The following GRID2 variants were observed in gnomAD, a reference collection of about 807,000 sequenced individuals.
GRID2 encodes the protein glutamate ionotropic receptor delta type subunit 2, also known as glutamate receptor ionotropic, delta-2.
GRID2 carries 33 observed loss-of-function variants against 114.8 expected under a neutral mutation model. The ratio of observed to expected loss-of-function variants is 0.29; its 90% CI spans 0.22 to 0.38. GRID2 has a LOEUF of 0.38. GRID2 is among the 10% of genes least tolerant of loss of function. GRID2 has a pLI of 1.00. For synonymous variants in GRID2, 505 were observed against 449.9 expected (o/e 1.12, Z -1.55); for missense variants, 1,184 against 1,257.7 (o/e 0.94, Z 0.89).
chr4:92,928,935 A>G (rs752873622), intron 2 of GRID2, among the ~76,000 whole-genome samples: 3 of 151,516 alleles, frequency 2.0e-5, no homozygotes, highest in Non-Finnish European at 4.4e-5. Flanking sequence ...AAAAGCAATG[A>G]GCTAAAGAAG....
In GRID2 at chr4:93,547,798, A is replaced by G. The variant is rs1216019080; in HGVS notation, c.2193+32387A>G. Among the ~76,000 whole-genome samples, 4 of 152,198 alleles carry G rather than the reference A, an allele frequency of 2.6e-5. No homozygotes were observed. The South Asian group carries it at 6.2e-4, about 24-fold the overall frequency. On this transcript the variant is annotated intron_variant, in intron 13 of 15. Coordinates refer to ENST00000282020, the MANE Select transcript of GRID2 (RefSeq NM_001510.4). ...GTAGGAGCTTGTCTTTTAGGCAGCTATAGTAGAACTGTCTGAAATGCCATT... is the reference window on the plus strand; with the variant it reads ...GTAGGAGCTTGTCTTTTAGGCAGCTGTAGTAGAACTGTCTGAAATGCCATT...
chr4:92,854,368 C>T (rs1295001305), intron 2 of GRID2, among the ~76,000 whole-genome samples: 4 of 152,002 alleles, frequency 2.6e-5, no homozygotes, highest in African/African-American at 9.7e-5. Flanking sequence ...GAATTCTGGG[C>T]TGAAAAGATC....
intron 8 of GRID2, among the ~76,000 whole-genome samples, chr4:93,303,749 A>G (rs564566221): frequency 6.6e-6 from 1 of 152,140 alleles, no homozygotes; most frequent in Admixed American, 6.6e-5. Flanking sequence ...TCTACCATCC[A>G]TCCATCCATC....
chr4:93,510,761 G>T (rs1487116135), intron 12 of GRID2, among the ~76,000 whole-genome samples: 4 of 152,072 alleles, frequency 2.6e-5, no homozygotes, highest in African/African-American at 9.7e-5. Context: ...AAGGCATTGT[G>T]GAAGGAGGAA....
At chr4:93,540,635 C>T (rs1405641657) in intron 13 of GRID2, among the ~76,000 whole-genome samples, 2 of 152,102 alleles carry the variant, frequency 1.3e-5, no homozygotes, top group East Asian at 3.9e-4. Context: ...TGTAAGAGAT[C>T]TTAATTTTGC....
chr4:92,702,146 T>C (rs1734703936), intron 2 of GRID2, among the ~76,000 whole-genome samples: 1 of 152,252 alleles, frequency 6.6e-6, no homozygotes, highest in Admixed American at 6.5e-5. Context: ...ATCTATTTTA[T>C]TTTTCTCCCA....
intron 3 of GRID2, among the ~76,000 whole-genome samples, chr4:93,105,344 G>T (rs1051918951): frequency 2.0e-5 from 3 of 152,180 alleles, no homozygotes; most frequent in South Asian, 2.1e-4. Flanking sequence ...GGCTTTTGTT[G>T]CCATTGCTTT....
intron 10 of GRID2, among the ~76,000 whole-genome samples, chr4:93,424,727 T>C (rs1275095552): frequency 6.6e-6 from 1 of 152,162 alleles, no homozygotes; most frequent in Non-Finnish European, 1.5e-5. Flanking sequence ...ATTTAGTAAA[T>C]ATAGAGAATT....
chr4:93,538,024 A>T (rs1238308726), intron 13 of GRID2, among the ~76,000 whole-genome samples: 1 of 151,796 alleles, frequency 6.6e-6, no homozygotes, highest in East Asian at 1.9e-4. Context: ...ATATTTTGTT[A>T]CATAAAAAAT....
chr4:92,807,824 C>T lies in GRID2; in HGVS notation c.244+217538C>T, dbSNP rs531827253. On this transcript the variant is annotated intron_variant, in intron 2 of 15. Transcript: ENST00000282020. ...ATGTTTATGTGTGTGTGCATGTGTG[C>T]GTATGTGTCTGTCTATGTATTATTT... 2.4e-4 allele frequency among the ~76,000 whole-genome samples: 36 copies of T among 151,860 alleles called. No homozygotes were observed. In the South Asian group the frequency reaches 3.9e-3, roughly 17 times the overall value.
At chr4:93,727,933 C>G (rs1578675535) in intron 14 of GRID2, among the ~76,000 whole-genome samples, 2 of 152,116 alleles carry the variant, frequency 1.3e-5, no homozygotes, top group South Asian at 2.1e-4. Context: ...TTTCAAAAAA[C>G]CAGCTTCTGG....
intron 4 of GRID2, among the ~76,000 whole-genome samples, chr4:93,185,633 A>G (rs893193493): frequency 2.0e-5 from 3 of 152,214 alleles, no homozygotes; most frequent in East Asian, 1.9e-4. Context: ...TGACACTTCA[A>G]TGTAATTTTT....
chr4:92,684,752 C>T (rs1056329075), intron 2 of GRID2, among the ~76,000 whole-genome samples: 2 of 151,882 alleles, frequency 1.3e-5, no homozygotes, highest in African/African-American at 2.4e-5. Context: ...AAGCAGGTGA[C>T]GTATATAATG....
At chr4:92,678,096 CT>C (rs201408049) in intron 2 of GRID2, among the ~76,000 whole-genome samples, 11,337 of 143,992 alleles carry the variant, frequency 0.079, 492 homozygotes, top group Middle Eastern at 0.17. Context: ...AGTTTCATGA[CT>C]AATTTGCTTA....
intron 1 of GRID2, among the ~76,000 whole-genome samples, chr4:92,506,002 T>A (rs1199628602): frequency 6.6e-6 from 1 of 151,994 alleles, no homozygotes; most frequent in Non-Finnish European, 1.5e-5. Context: ...AGATTAAGAA[T>A]GGCAGTTCTT....
intron 1 of GRID2, among the ~76,000 whole-genome samples, chr4:92,455,686 C>T (rs542355224): frequency 2.5e-3 from 378 of 152,102 alleles, no homozygotes; most frequent in Non-Finnish European, 4.2e-3. Flanking sequence ...AAAGCAGTAC[C>T]GGAGTGGTGG....
At chr4:93,047,052 T>C (rs1726206546) in intron 2 of GRID2, among the ~76,000 whole-genome samples, 1 of 152,024 alleles carries the variant, frequency 6.6e-6, no homozygotes, top group African/African-American at 2.4e-5. Context: ...ACATCTCTTA[T>C]GTGGTCTTCC....
At chr4:93,213,003 C>T (rs1743735764) in intron 5 of GRID2, among the ~76,000 whole-genome samples, 1 of 152,062 alleles carries the variant, frequency 6.6e-6, no homozygotes, top group Non-Finnish European at 1.5e-5. Context: ...GAACTCCTGA[C>T]CTCAGGTGAT....
chr4:92,881,365 A>T (rs959749094), intron 2 of GRID2, among the ~76,000 whole-genome samples: 41 of 152,256 alleles, frequency 2.7e-4, no homozygotes, highest in African/African-American at 8.9e-4. Context: ...TACATATATA[A>T]CATTTACCTG....
Sources: allele counts gnomAD v4.1 joint callset (sites outside exome capture counted in the v4.1 genomes callset), GRCh38; gene constraint gnomAD v4.1.1; transcripts MANE v1.5; gene names NCBI Gene and HGNC (gene_info 2026-07-23, HGNC 2026-07-21).